The following B4GALT7 variants were observed in gnomAD, a reference collection of about 807,000 sequenced individuals.
B4GALT7 encodes beta-1,4-galactosyltransferase 7.
B4GALT7 carries 30 observed loss-of-function variants against 33.0 expected under a neutral mutation model. The observed-to-expected ratio is 0.91, with a 90% CI of 0.68 to 1.23. The LOEUF (loss-of-function observed/expected upper bound fraction) is 1.23, where lower values mean the gene tolerates loss of function less well. B4GALT7 is among the 50% of genes most tolerant of loss of function. The pLI is 0.00. For synonymous variants in B4GALT7, 213 were observed against 187.2 expected (o/e 1.14, Z -1.13); for missense variants, 507 against 450.8 (o/e 1.12, Z -1.13).
In B4GALT7 at chr5:177,606,464, C is replaced by T. The variant is rs1296986631; in HGVS notation, c.414-838C>T. 6.5e-6 allele frequency: 1 copy of T among 153,086 alleles called. No individual in the cohort carries two copies. Among genetic ancestry groups the T allele is most frequent in the African/African-American group, 2.4e-5 (1 of 41,456 alleles). The allele number at this position is 153,086 out of a possible 1,614,324, so 9.5% of individuals were successfully genotyped here. A position where few individuals can be genotyped will look rare whatever the true frequency, so the allele number is the denominator to read the frequency against. Reference sequence around the variant, plus strand: ...ACTGCGTCCTATTCGTCAGCAAAATCCATCTAGAATCTGCCCGCTTCTCGC... The same window carrying T: ...ACTGCGTCCTATTCGTCAGCAAAATTCATCTAGAATCTGCCCGCTTCTCGC... On this transcript the variant is annotated intron_variant, in intron 2 of 5. Coordinates refer to ENST00000029410, the MANE Select transcript of B4GALT7 (RefSeq NM_007255.3). The surrounding 1 kb of genome is among the most constrained non-coding windows in gnomAD (Gnocchi z 4.2).
In B4GALT7 at chr5:177,600,284, G is replaced by T; in HGVS notation, c.50+24G>T. 1 of 1,304,350 alleles carries T rather than the reference G, an allele frequency of 7.7e-7. No homozygotes were observed. The highest frequency in any genetic ancestry group is 3.1e-5 in the East Asian group (1 of 31,972). 80.8% of individuals were successfully genotyped at this position (1,304,350 alleles called of 1,614,324 possible). On this transcript the variant is annotated intron_variant, in intron 1 of 5. Coordinates refer to ENST00000029410, the MANE Select transcript of B4GALT7 (RefSeq NM_007255.3). The surrounding 1 kb of genome is among the most constrained non-coding windows in gnomAD (Gnocchi z 4.4). ...AGGTGAGCGGCGGCGGTGGGCCCGG[G>T]CCCCGTCCTCCCGGGCGCCGCTCCC...
chr5:177,603,389 C>A (rs1767892947), intron 1 of B4GALT7: 1 of 984,284 alleles, frequency 1.0e-6, no homozygotes, highest in African/African-American at 1.7e-5. Flanking sequence ...TTTGTATTTG[C>A]TAACCAAAAG....
chr5:177,608,487 GC>G lies in B4GALT7; in HGVS notation c.640-41del, dbSNP rs71585644. The G allele has an allele frequency of 0.045, 52,714 of 1,182,016 alleles. 6 individuals are homozygous for G. Among genetic ancestry groups the G allele is most frequent in the Non-Finnish European group, 0.049 (41,823 of 846,288 alleles). The allele number at this position is 1,182,016 out of a possible 1,614,324, so 73.2% of individuals were successfully genotyped here. ...ACTCCCGAGCGGTAGGAGACCAAAGGCCCCCCCCCCCGGGAAGATGGGCCGA... is the reference window on the plus strand; with the variant it reads ...ACTCCCGAGCGGTAGGAGACCAAAGGCCCCCCCCCCGGGAAGATGGGCCGA... On this transcript the variant is annotated intron_variant, in intron 3 of 5. Coordinates refer to ENST00000029410, the MANE Select transcript of B4GALT7 (RefSeq NM_007255.3). The surrounding 1 kb of genome is among the most constrained non-coding windows in gnomAD (Gnocchi z 4.1).
rs965847884 is a variant in B4GALT7 at position 177,608,207 on chromosome 5, G to T, written c.640-332G>T. 1.0e-5 allele frequency: 4 copies of T among 387,208 alleles called. No homozygotes were observed. In the Admixed American group the frequency reaches 1.5e-4, roughly 15 times the overall value. The allele number at this position is 387,208 out of a possible 1,614,324, so 24.0% of individuals were successfully genotyped here. On this transcript the variant is annotated intron_variant, in intron 3 of 5. Coordinates refer to ENST00000029410, the MANE Select transcript of B4GALT7 (RefSeq NM_007255.3). This position sits in a 1 kb window ranked among gnomAD's most constrained non-coding sequence, Gnocchi z 4.1. Reference sequence around the variant, plus strand: ...ACACACACAGGAAGAGATGAGGGCAGGGCCACCAGGAGAAAGGGGAATGGG... The same window carrying T: ...ACACACACAGGAAGAGATGAGGGCATGGCCACCAGGAGAAAGGGGAATGGG...
rs1419487374 is a variant in B4GALT7, at chr5:177,608,633, C to T, written c.723+11C>T. 2 of 1,611,696 alleles carry T rather than the reference C, an allele frequency of 1.2e-6. No individual in the cohort carries two copies. The highest frequency in any genetic ancestry group is 1.3e-5 in the African/African-American group (1 of 75,022). Reference sequence around the variant, plus strand: ...GGAGCTGGGCTCCAGGTGAGATTCCCCGGGCCCCGCCGCCACCTCAGCTGC... The same window carrying T: ...GGAGCTGGGCTCCAGGTGAGATTCCTCGGGCCCCGCCGCCACCTCAGCTGC... On this transcript the variant is annotated intron_variant, in intron 4 of 5. Coordinates refer to ENST00000029410, the MANE Select transcript of B4GALT7 (RefSeq NM_007255.3). The surrounding 1 kb of genome is among the most constrained non-coding windows in gnomAD (Gnocchi z 4.1).
In B4GALT7 at chr5:177,608,493, C is replaced by G. The variant is rs766200816; in HGVS notation, c.640-46C>G. ...GAGCGGTAGGAGACCAAAGGCCCCC[C>G]CCCCCGGGAAGATGGGCCGAGTGAC... On this transcript the variant is annotated intron_variant, in intron 3 of 5. Transcript: ENST00000029410. This position sits in a 1 kb window ranked among gnomAD's most constrained non-coding sequence, Gnocchi z 4.1. 16 of 1,561,748 alleles carry G rather than the reference C, an allele frequency of 1.0e-5. No homozygotes were observed. The highest frequency in any genetic ancestry group is 2.7e-5 in the African/African-American group (2 of 73,668).
Position 177,604,101 on chromosome 5 carries a change from G to A in B4GALT7, c.51-78G>A, listed in dbSNP as rs1767909056. 2.5e-6 allele frequency: 4 copies of A among 1,596,936 alleles called. No individual in the cohort carries two copies. The Admixed American group carries it at 5.0e-5, about 20-fold the overall frequency. On this transcript the variant is annotated intron_variant, in intron 1 of 5. Coordinates refer to ENST00000029410, the MANE Select transcript of B4GALT7 (RefSeq NM_007255.3). Reference sequence around the variant, plus strand: ...TAGACGAGTTATGTGCAGCCTCCTCGTGGGGAGGCCAGAGAACGGGTCTGT... The same window carrying A: ...TAGACGAGTTATGTGCAGCCTCCTCATGGGGAGGCCAGAGAACGGGTCTGT...
intron 3 of B4GALT7, 188 bp downstream of exon 3, chr5:177,607,715 G>A: frequency 1.6e-6 from 1 of 631,898 alleles, no homozygotes; most frequent in Non-Finnish European, 2.8e-6. Flanking sequence ...AGAACTGCTT[G>A]CACGGGGGCT....
chr5:177,606,154 A>T lies in B4GALT7; in HGVS notation c.414-1148A>T, dbSNP rs1223582171. 6.6e-6 allele frequency: 1 copy of T among 151,910 alleles called. No individual in the cohort carries two copies. The highest frequency in any genetic ancestry group is 1.5e-5 in the Non-Finnish European group (1 of 68,026). 9.4% of individuals were successfully genotyped at this position (151,910 alleles called of 1,614,324 possible). On this transcript the variant is annotated intron_variant, in intron 2 of 5. Transcript: ENST00000029410. The surrounding 1 kb of genome is among the most constrained non-coding windows in gnomAD (Gnocchi z 4.2). The stretch of plus-strand genomic sequence containing the variant: ...CTCCAGGTGTTCCTTGGGGCATCTC[A>T]TGTCATCTCCAGCATTAAACCACGT...
At chr5:177,605,298 C>T in intron 2 of B4GALT7, 1 of 321,794 alleles carries the variant, frequency 3.1e-6, no homozygotes, top group Non-Finnish European at 6.1e-6. Flanking sequence ...CACACCTGTG[C>T]CTGGGCACTG....
At chr5:177,604,679 T>C (rs1460930402) in intron 2 of B4GALT7, 138 bp downstream of exon 2, 4 of 1,138,830 alleles carry the variant, frequency 3.5e-6, no homozygotes, top group Admixed American at 4.4e-5. Context: ...ACAGGAACCT[T>C]TGGAGAGGGC....
chr5:177,607,653 C>A, intron 3 of B4GALT7, 126 bp downstream of exon 3: 1 of 938,300 alleles, frequency 1.1e-6, no homozygotes. Context: ...AGCAGGAGAA[C>A]TTGGGAGCAG....
In B4GALT7 at chr5:177,600,577, G is replaced by C. The variant is rs1268984219; in HGVS notation, c.50+317G>C. Among the ~76,000 whole-genome samples the C allele has an allele frequency of 6.6e-6, 1 of 151,560 alleles. No homozygotes were observed. The highest frequency in any genetic ancestry group is 1.5e-5 in the Non-Finnish European group (1 of 67,958). ...GATCCCCTCTTTGCTAGTCTCTCTCGTTATGTGTTTCGTTGTGTCTGTGTT... is the reference window on the plus strand; with the variant it reads ...GATCCCCTCTTTGCTAGTCTCTCTCCTTATGTGTTTCGTTGTGTCTGTGTT... On this transcript the variant is annotated intron_variant, in intron 1 of 5. Transcript: ENST00000029410. The surrounding 1 kb of genome is among the most constrained non-coding windows in gnomAD (Gnocchi z 4.4).
rs763718952 is a variant in B4GALT7 at position 177,608,583 on chromosome 5, C to T, written c.684C>T (p.Asp228=). Residue 228 remains aspartate, a synonymous_variant, in exon 4 of 6, where the codon GAC becomes GAT. Transcript: ENST00000029410. This position sits in a 1 kb window ranked among gnomAD's most constrained non-coding sequence, Gnocchi z 4.1. Reference sequence around the variant, plus strand: ...GCTTCTGGGGCTGGGGCCGCGAGGACGACGAGTTCTACCGGCGCATTAAGG... The same window carrying T: ...GCTTCTGGGGCTGGGGCCGCGAGGATGACGAGTTCTACCGGCGCATTAAGG... ...SNRFWGWGRE[D]DEFYRRIKGA... is the part of the protein sequence containing the mutation. 20 of 1,613,632 alleles carry T rather than the reference C, an allele frequency of 1.2e-5. No individual in the cohort carries two copies. The East Asian group carries it at 1.3e-4, about 11-fold the overall frequency.
In B4GALT7 at chr5:177,609,840, G is replaced by A. The variant is rs550971471; in HGVS notation, c.*145G>A. On this transcript the variant is annotated 3_prime_UTR_variant, in exon 6 of 6. Coordinates refer to ENST00000029410, the MANE Select transcript of B4GALT7 (RefSeq NM_007255.3). ...GCTACGCAATTGCAGCCACCCGGCC[G>A]CCAAGGCAGGCTTGGGCTGGGCCAG... 163 of 1,130,694 alleles carry A rather than the reference G, an allele frequency of 1.4e-4. 2 individuals are homozygous for A. In the Admixed American group the frequency reaches 2.4e-3, roughly 17 times the overall value. The allele number at this position is 1,130,694 out of a possible 1,614,324, so 70.0% of individuals were successfully genotyped here.
chr5:177,604,118 C>T, intron 1 of B4GALT7, 61 bp from the exon 2 acceptor site: 2 of 1,609,722 alleles, frequency 1.2e-6, no homozygotes, highest in Non-Finnish European at 1.7e-6. Flanking sequence ...GGCCAGAGAA[C>T]GGGTCTGTCA....
Position 177,606,973 on chromosome 5 carries a change from C to T in B4GALT7, c.414-329C>T, listed in dbSNP as rs1193696148. ...CCTCCACCCCCAGCAAGATCGCCCT[C>T]CTTGCCTGCTTTGCTTTTCCCCCCA... is the stretch of plus-strand genomic sequence containing the variant. On this transcript the variant is annotated intron_variant, in intron 2 of 5. Transcript: ENST00000029410. This position sits in a 1 kb window ranked among gnomAD's most constrained non-coding sequence, Gnocchi z 4.2. 2.4e-6 allele frequency: 1 copy of T among 420,096 alleles called. No individual in the cohort carries two copies. Among genetic ancestry groups the T allele is most frequent in the Non-Finnish European group, 4.5e-6 (1 of 222,008 alleles). 26.0% of individuals were successfully genotyped at this position (420,096 alleles called of 1,614,324 possible).
chr5:177,605,157 G>T, intron 2 of B4GALT7: 5 of 396,922 alleles, frequency 1.3e-5, no homozygotes, highest in Non-Finnish European at 2.5e-5. Flanking sequence ...CACCCTTCTT[G>T]TCTTTACTTC....
intron 2 of B4GALT7, among the ~76,000 whole-genome samples, chr5:177,604,832 G>C (rs1767941172): frequency 6.6e-6 from 1 of 152,144 alleles, no homozygotes; most frequent in Non-Finnish European, 1.5e-5. Flanking sequence ...GGCCTGGTGG[G>C]GGGTGGGTAG....
Sources: allele counts gnomAD v4.1 joint callset (sites outside exome capture counted in the v4.1 genomes callset), GRCh38; gene constraint gnomAD v4.1.1; non-coding constraint Gnocchi (gnomAD v3.1); transcripts MANE v1.5; gene names NCBI Gene and HGNC (gene_info 2026-07-23, HGNC 2026-07-21).